Variants in IGFBP1 observed in about 807,000 individuals in gnomAD.
IGFBP1 encodes insulin like growth factor binding protein 1.
Under a neutral mutation model 23.1 loss-of-function variants are expected in IGFBP1, and 31 were observed. The observed-to-expected ratio is 1.34, with a 90% CI of 1.01 to 1.81. IGFBP1 has a LOEUF of 1.81. IGFBP1 is among the 40% of genes most tolerant of loss of function. The probability of loss-of-function intolerance (pLI) is 0.00; values close to 1 mark genes in which losing one functional copy is unlikely to be tolerated. For synonymous variants in IGFBP1, 148 were observed against 145.5 expected (o/e 1.02, Z -0.13); for missense variants, 333 against 342.2 (o/e 0.97, Z 0.21).
chr7:45,889,449 C>G (rs1020380643), intron 1 of IGFBP1, among the ~76,000 whole-genome samples: 1 of 152,238 alleles, frequency 6.6e-6, no homozygotes, highest in African/African-American at 2.4e-5. Flanking sequence ...AAGGGAATCC[C>G]TCCTGCTGGC....
At chr7:45,889,066 C>T in intron 1 of IGFBP1, 65 bp downstream of exon 1, 1 of 1,259,438 alleles carries the variant, frequency 7.9e-7, no homozygotes, top group Non-Finnish European at 1.1e-6. Context: ...ACCTCCCGCC[C>T]CCACTCCCCT....
chr7:45,888,986 G>C lies in IGFBP1; in HGVS notation c.334G>C (p.Ala112Pro). 1 of 1,516,726 alleles carries C rather than the reference G, an allele frequency of 6.6e-7. No homozygotes were observed. The highest frequency in any genetic ancestry group is 8.8e-7 in the Non-Finnish European group (1 of 1,138,964). 94.0% of individuals were successfully genotyped at this position (1,516,726 alleles called of 1,614,324 possible). A position where few individuals can be genotyped will look rare whatever the true frequency, so the allele number is the denominator to read the frequency against. Reference sequence around the variant, plus strand: ...CTGCGTGCAGGAGTCTGACGCCTCCGCTCCCCATGCTGCAGGTACCACAGT... The same window carrying C: ...CTGCGTGCAGGAGTCTGACGCCTCCCCTCCCCATGCTGCAGGTACCACAGT... Reference protein sequence around the residue: ...GACVQESDASAPHAAEAGSPE... With the variant: ...GACVQESDASPPHAAEAGSPE... Residue 112 changes from alanine to proline, a missense_variant, in exon 1 of 4, where the codon GCT becomes CCT. Ala to Pro is a conservative substitution (Grantham distance 27). Transcript: ENST00000275525.
rs766860058 is a variant in IGFBP1, at chr7:45,888,736, G to T, written c.84G>T (p.Trp28Cys). Reference protein sequence around the residue: ...VQVGVTAGAPWQCAPCSAEKL... With the variant: ...VQVGVTAGAPCQCAPCSAEKL... Reference sequence around the variant, plus strand: ...TCGGCGTGACAGCCGGCGCTCCGTGGCAGTGCGCGCCCTGCTCCGCCGAGA... The same window carrying T: ...TCGGCGTGACAGCCGGCGCTCCGTGTCAGTGCGCGCCCTGCTCCGCCGAGA... The change falls in exon 1 of 4, where the codon TGG becomes TGT. Residue 28 changes from tryptophan to cysteine, a missense_variant. Transcript: ENST00000275525. 1.3e-6 allele frequency: 2 copies of T among 1,593,738 alleles called. No individual in the cohort carries two copies. Among genetic ancestry groups the T allele is most frequent in the Non-Finnish European group, 1.7e-6 (2 of 1,178,240 alleles).
At position 45,890,533 on chromosome 7, in the gene IGFBP1, A is replaced by G. The variant is rs375832917; in HGVS notation, c.350-15A>G. The G allele has an allele frequency of 9.6e-5, 154 of 1,599,516 alleles. No homozygotes were observed. Among genetic ancestry groups the G allele is most frequent in the Non-Finnish European group, 1.3e-4 (149 of 1,174,032 alleles). ...TTTGGGAGGGCTCATGGGGTCTGCA[A>G]TGTTTCCTTTCCAGAGGCAGGGAGC... On this transcript the variant is annotated splice_polypyrimidine_tract_variant and intron_variant, in intron 1 of 3. Coordinates refer to ENST00000275525, the MANE Select transcript of IGFBP1 (RefSeq NM_000596.4).
At position 45,889,017 on chromosome 7, in the gene IGFBP1, C is replaced by T; in HGVS notation, c.349+16C>T. ...CATGCTGCAGGTACCACAGTCCCGC[C>T]CCTGCTCCAGCACCTCCTGCCGCCC... is the stretch of plus-strand genomic sequence containing the variant. On this transcript the variant is annotated intron_variant, in intron 1 of 3. Coordinates refer to ENST00000275525, the MANE Select transcript of IGFBP1 (RefSeq NM_000596.4). 6.7e-7 allele frequency: 1 copy of T among 1,494,034 alleles called. No homozygotes were observed. The highest frequency in any genetic ancestry group is 8.9e-7 in the Non-Finnish European group (1 of 1,127,274). 92.5% of individuals were successfully genotyped at this position (1,494,034 alleles called of 1,614,324 possible).
chr7:45,888,923 C>T lies in IGFBP1; in HGVS notation c.271C>T (p.Gln91Ter). 6.6e-7 allele frequency: 1 copy of T among 1,510,626 alleles called. No homozygotes were observed. The highest frequency in any genetic ancestry group is 8.8e-7 in the Non-Finnish European group (1 of 1,139,234). 93.6% of individuals were successfully genotyped at this position (1,510,626 alleles called of 1,614,324 possible). Residue 91 changes from glutamine (Q) to a stop codon, truncating the protein, a stop_gained, in exon 1 of 4, where the codon CAG becomes TAG. Transcript: ENST00000275525. LOFTEE classifies it high-confidence loss of function. The stretch of plus-strand genomic sequence containing the variant: ...CAGTTGCCGCGCGCTGCCGGGGGAG[C>T]AGCAACCTCTGCACGCCCTCACCCG... ...GLSCRALPGE[Q>*]QPLHALTRGQ...
Position 45,892,109 on chromosome 7 carries a change from C to T in IGFBP1, c.648+49C>T, listed in dbSNP as rs9658219. On this transcript the variant is annotated intron_variant, in intron 3 of 3. Coordinates refer to ENST00000275525, the MANE Select transcript of IGFBP1 (RefSeq NM_000596.4). ...TCGTCAGGGTGAAAGGGACTACTGC[C>T]CTACATTCCTGCCAAGCCACGGTCA... The T allele has an allele frequency of 3.4e-4, 542 of 1,594,412 alleles. 2 individuals carry two copies. The African/African-American group carries it at 6.7e-3, about 20-fold the overall frequency.
rs1008939481 is a variant in IGFBP1, at chr7:45,893,241, GTTTA to G, written c.*157_*160del. The G allele has an allele frequency of 6.1e-5, 19 of 313,694 alleles. No individual in the cohort carries two copies. Among genetic ancestry groups the G allele is most frequent in the African/African-American group, 2.2e-4 (10 of 45,638 alleles). The allele number at this position is 313,694 out of a possible 1,614,324, so 19.4% of individuals were successfully genotyped here. ...CATACATAACTTGATATAGAAAGCT[GTTTA>G]TTTATTCACTGTAAGTTTATTTTTT... On this transcript the variant is annotated 3_prime_UTR_variant, in exon 4 of 4. Coordinates refer to ENST00000275525, the MANE Select transcript of IGFBP1 (RefSeq NM_000596.4).
In IGFBP1 at chr7:45,888,792, C is replaced by A. The variant is rs773415946; in HGVS notation, c.140C>A (p.Ser47Ter). ...KLALCPPVSA[S>*]CSEVTRSAGC... ...GCGCTCTGCCCGCCGGTGTCCGCCT[C>A]GTGCTCGGAGGTCACCCGGTCCGCC... Residue 47 changes from serine (S) to a stop codon, truncating the protein, a stop_gained, in exon 1 of 4, where the codon TCG becomes TAG. Transcript: ENST00000275525. LOFTEE classifies it high-confidence loss of function. 1.1e-5 allele frequency: 17 copies of A among 1,576,756 alleles called. No homozygotes were observed. The highest frequency in any genetic ancestry group is 1.8e-5 in the Admixed American group (1 of 56,600).
rs764405161 is a variant in IGFBP1, at chr7:45,892,093, T to A, written c.648+33T>A. 21 of 1,609,720 alleles carry A rather than the reference T, an allele frequency of 1.3e-5. No homozygotes were observed. The South Asian group carries it at 2.2e-4, about 17-fold the overall frequency. On this transcript the variant is annotated intron_variant, in intron 3 of 3. Transcript: ENST00000275525. ...GCCTTGCCAGTGTGCGTCGTCAGGG[T>A]GAAAGGGACTACTGCCCTACATTCC...
chr7:45,889,619 A>G (rs1254606271), intron 1 of IGFBP1, among the ~76,000 whole-genome samples: 1 of 152,212 alleles, frequency 6.6e-6, no homozygotes, highest in Non-Finnish European at 1.5e-5. Flanking sequence ...GTTGCCCCCT[A>G]AGAACATGAC....
In IGFBP1 at chr7:45,892,165, G is replaced by C; in HGVS notation, c.648+105G>C. 2.4e-6 allele frequency: 3 copies of C among 1,239,706 alleles called. No individual in the cohort carries two copies. The Admixed American group carries it at 6.2e-5, about 25-fold the overall frequency. The allele number at this position is 1,239,706 out of a possible 1,614,324, so 76.8% of individuals were successfully genotyped here. ...GTCAAAGAAGGTCCACTCCAAAGTA[G>C]ACACCAGAAGTGGTTGTATTGAGCC... On this transcript the variant is annotated intron_variant, in intron 3 of 3. Transcript: ENST00000275525.
chr7:45,892,104 A>G (rs1351307046), intron 3 of IGFBP1, 44 bp downstream of exon 3: 1 of 1,601,556 alleles, frequency 6.2e-7, no homozygotes, highest in South Asian at 1.1e-5. Flanking sequence ...GAAAGGGACT[A>G]CTGCCCTACA....
At chr7:45,890,741 G>A in intron 2 of IGFBP1, 24 bp downstream of exon 2, 1 of 1,578,760 alleles carries the variant, frequency 6.3e-7, no homozygotes, top group Non-Finnish European at 8.6e-7. Context: ...GGTGGGTGGT[G>A]GGAACTCTCC....
At position 45,889,013 on chromosome 7, in the gene IGFBP1, C is replaced by G; in HGVS notation, c.349+12C>G. The G allele has an allele frequency of 3.3e-6, 5 of 1,499,056 alleles. No individual in the cohort carries two copies. The highest frequency in any genetic ancestry group is 4.4e-6 in the Non-Finnish European group (5 of 1,129,840). 92.9% of individuals were successfully genotyped at this position (1,499,056 alleles called of 1,614,324 possible). A position where few individuals can be genotyped will look rare whatever the true frequency, so the allele number is the denominator to read the frequency against. ...TCCCCATGCTGCAGGTACCACAGTC[C>G]CGCCCCTGCTCCAGCACCTCCTGCC... is the stretch of plus-strand genomic sequence containing the variant. On this transcript the variant is annotated intron_variant, in intron 1 of 3. Coordinates refer to ENST00000275525, the MANE Select transcript of IGFBP1 (RefSeq NM_000596.4).
At chr7:45,890,009 G>T (rs1246585935) in intron 1 of IGFBP1, among the ~76,000 whole-genome samples, 2 of 152,194 alleles carry the variant, frequency 1.3e-5, no homozygotes, top group South Asian at 2.1e-4. Flanking sequence ...GGTGGAGGGG[G>T]TGTTGCAGAG....
intron 1 of IGFBP1, among the ~76,000 whole-genome samples, chr7:45,889,789 G>A (rs901392846): frequency 6.6e-6 from 1 of 152,144 alleles, no homozygotes; most frequent in African/African-American, 2.4e-5. Context: ...ACCCTGATAG[G>A]GTGTTAGAGT....
At chr7:45,892,599 A>G (rs538191289) in intron 3 of IGFBP1, among the ~76,000 whole-genome samples, 1 of 152,298 alleles carries the variant, frequency 6.6e-6, no homozygotes, top group African/African-American at 2.4e-5. Flanking sequence ...TTTTATTGGG[A>G]GAAACTGAGG....
intron 2 of IGFBP1, among the ~76,000 whole-genome samples, chr7:45,891,371 G>A (rs886293565): frequency 2.6e-5 from 4 of 152,168 alleles, no homozygotes; most frequent in African/African-American, 9.7e-5. Flanking sequence ...AAAAAGGGAG[G>A]ATTAAACCAT....
Sources: allele counts gnomAD v4.1 joint callset (sites outside exome capture counted in the v4.1 genomes callset), GRCh38; gene constraint gnomAD v4.1.1; transcripts MANE v1.5; gene names NCBI Gene and HGNC (gene_info 2026-07-23, HGNC 2026-07-21).